The following ZNF791 variants were observed in gnomAD, a reference collection of about 807,000 sequenced individuals.
The protein encoded by ZNF791 is zinc finger protein 791.
A neutral mutation model predicts 11.5 loss-of-function variants in ZNF791; 4 were observed. That is an observed-to-expected ratio of 0.35 (90% CI 0.17 to 0.80). The LOEUF is 0.80. ZNF791 is among the 30% of genes least tolerant of loss of function. The probability of loss-of-function intolerance (pLI) is 0.53; values close to 1 mark genes in which losing one functional copy is unlikely to be tolerated. For synonymous variants in ZNF791, 212 were observed against 228.1 expected, an observed-to-expected ratio of 0.93 and a Z score of 0.64; for missense variants, 559 against 699.4, an observed-to-expected ratio of 0.80 and a Z score of 2.26.
At chr19:12,619,616 A>AT (rs1224810308) in intron 1 of ZNF791, among the ~76,000 whole-genome samples, 1 of 151,378 alleles carries the variant, frequency 6.6e-6, no homozygotes, top group African/African-American at 2.4e-5. Context: ...CTCCTGGCTA[A>AT]TTTTTTGTAT....
chr19:12,624,912 G>A (rs1340562006), intron 3 of ZNF791, among the ~76,000 whole-genome samples: 2 of 151,718 alleles, frequency 1.3e-5, no homozygotes, highest in African/African-American at 2.4e-5. Flanking sequence ...TTAGCCAGTT[G>A]TGGTGGTGGG....
At chr19:12,612,635 A>G (rs1329833134) in intron 1 of ZNF791, among the ~76,000 whole-genome samples, 17 of 121,600 alleles carry the variant, frequency 1.4e-4, no homozygotes, top group Non-Finnish European at 2.4e-4. Flanking sequence ...TTTTTTTTTT[A>G]GTAGAGAGTG....
In ZNF791 at chr19:12,629,305, C is replaced by A; in HGVS notation, c.*45C>A. 1.4e-6 allele frequency: 2 copies of A among 1,379,876 alleles called. No homozygotes were observed. The highest frequency in any genetic ancestry group is 9.6e-7 in the Non-Finnish European group (1 of 1,044,260). 85.5% of individuals were successfully genotyped at this position (1,379,876 alleles called of 1,614,324 possible). A position where few individuals can be genotyped will look rare whatever the true frequency, so the allele number is the denominator to read the frequency against. On this transcript the variant is annotated 3_prime_UTR_variant, in exon 4 of 4. Transcript: ENST00000343325. ...AATAGGAGAAAGTTTTCAATTCTAACAGATGCTTTCAAAGTTGTGAAAATT... is the reference window on the plus strand; with the variant it reads ...AATAGGAGAAAGTTTTCAATTCTAAAAGATGCTTTCAAAGTTGTGAAAATT...
At chr19:12,623,388 G>C in intron 1 of ZNF791, 2 of 316,080 alleles carry the variant, frequency 6.3e-6, no homozygotes, top group Non-Finnish European at 1.2e-5. Context: ...CTAGGTAGCA[G>C]AGCGAGACCA....
Position 12,613,437 on chromosome 19 carries a change from T to C in ZNF791, c.3+2355T>C, listed in dbSNP as rs1180580678. Among the ~76,000 whole-genome samples, 7 of 151,914 alleles carry C rather than the reference T, an allele frequency of 4.6e-5. No individual in the cohort carries two copies. The East Asian group carries it at 9.8e-4, about 21-fold the overall frequency. On this transcript the variant is annotated intron_variant, in intron 1 of 3. Coordinates refer to ENST00000343325, the MANE Select transcript of ZNF791 (RefSeq NM_153358.3). ...TCTACTAAAAATACAAAAAATTAGC[T>C]GGGCGTGGAGGCGGGCGCCTGTAGT...
chr19:12,614,661 C>A (rs2023212253), intron 1 of ZNF791, among the ~76,000 whole-genome samples: 1 of 148,952 alleles, frequency 6.7e-6, no homozygotes, highest in Admixed American at 6.8e-5. Context: ...ATGGCACAAT[C>A]TCGGCTCACC....
Position 12,631,995 on chromosome 19 carries a change from CTG to C in ZNF791, c.*2737_*2738del, listed in dbSNP as rs1037631380. 2.7e-5 allele frequency: 4 copies of C among 150,568 alleles called. No homozygotes were observed. The highest frequency in any genetic ancestry group is 9.8e-5 in the African/African-American group (4 of 40,766). 9.3% of individuals were successfully genotyped at this position (150,568 alleles called of 1,614,324 possible). A position where few individuals can be genotyped will look rare whatever the true frequency, so the allele number is the denominator to read the frequency against. ...TTTTTTTTCGAGACGGAGTCTTGCT[CTG>C]TTGCCCAGGCTGGAGTTCAGCGGTG... On this transcript the variant is annotated 3_prime_UTR_variant, in exon 4 of 4. Transcript: ENST00000343325.
Position 12,619,472 on chromosome 19 carries a change from C to T in ZNF791, c.4-4228C>T, listed in dbSNP as rs558978444. ...TTTTTTTTTTTTTTTTTTTTTGAGACGGAGTCTCGATTTGTCTCCCAGGCT... is the reference window on the plus strand; with the variant it reads ...TTTTTTTTTTTTTTTTTTTTTGAGATGGAGTCTCGATTTGTCTCCCAGGCT... On this transcript the variant is annotated intron_variant, in intron 1 of 3. Coordinates refer to ENST00000343325, the MANE Select transcript of ZNF791 (RefSeq NM_153358.3). 4.7e-3 allele frequency among the ~76,000 whole-genome samples: 496 copies of T among 106,630 alleles called. 4 individuals carry two copies. Among genetic ancestry groups the T allele is most frequent in the Non-Finnish European group, 7.5e-3 (419 of 56,000 alleles). The allele number at this position is 106,630 out of a possible 152,430, so 70.0% of individuals were successfully genotyped here.
chr19:12,612,621 T>A (rs2023176752), intron 1 of ZNF791, among the ~76,000 whole-genome samples: 1 of 148,718 alleles, frequency 6.7e-6, no homozygotes, highest in South Asian at 2.1e-4. Flanking sequence ...TTTGTATTTT[T>A]TTTTTTTTTT....
intron 1 of ZNF791, among the ~76,000 whole-genome samples, chr19:12,620,077 C>G (rs1429370775): frequency 6.6e-6 from 1 of 151,962 alleles, no homozygotes; most frequent in African/African-American, 2.4e-5. Flanking sequence ...GCGCCCGCCA[C>G]GGCACCCAGC....
At chr19:12,612,768 C>G (rs2023180631) in intron 1 of ZNF791, among the ~76,000 whole-genome samples, 1 of 149,510 alleles carries the variant, frequency 6.7e-6, no homozygotes, top group Admixed American at 6.7e-5. Context: ...CTTTTGCTTC[C>G]TTTATACGTA....
intron 1 of ZNF791, among the ~76,000 whole-genome samples, chr19:12,619,732 A>G (rs1284767503): frequency 1.3e-5 from 2 of 151,550 alleles, no homozygotes; most frequent in Admixed American, 1.3e-4. Flanking sequence ...TACAGGCGTG[A>G]GCCACCGCGC....
intron 1 of ZNF791, among the ~76,000 whole-genome samples, chr19:12,617,888 G>A (rs1248028480): frequency 5.6e-5 from 8 of 141,974 alleles, no homozygotes; most frequent in East Asian, 2.0e-4. Context: ...CTACAGGTGC[G>A]TGCCACATAC....
At chr19:12,611,125 C>T (rs746389040) in intron 1 of ZNF791, 43 bp downstream of exon 1, 3 of 1,611,806 alleles carry the variant, frequency 1.9e-6, no homozygotes, top group South Asian at 1.1e-5. Flanking sequence ...GCCGTGATCG[C>T]GGGACCCGGG....
intron 1 of ZNF791, among the ~76,000 whole-genome samples, chr19:12,615,072 T>C (rs2023226559): frequency 8.0e-6 from 1 of 125,046 alleles, no homozygotes; most frequent in African/African-American, 3.1e-5. Flanking sequence ...CAGGCTGGAG[T>C]GCAGTGATGT....
chr19:12,628,687 TA>T lies in ZNF791; in HGVS notation c.1164del (p.Lys388AsnfsTer10). The T allele has an allele frequency of 6.2e-7, 1 of 1,601,090 alleles. No homozygotes were observed. Among genetic ancestry groups the T allele is most frequent in the Non-Finnish European group, 8.5e-7 (1 of 1,175,048 alleles). On this transcript the variant is annotated frameshift_variant, in exon 4 of 4. Transcript: ENST00000343325. LOFTEE classifies it low-confidence loss of function (END_TRUNC). ...ACACTGGAGAGAAACCCTACGAATG[TA>T]AAAAATGTGGGAAAACTTTCAATTA... ...THTGEKPYECKKCGKTFNYPL... is the reference protein window; with the variant it reads ...THTGEKPYECXKCGKTFNYPL...
rs1599317413 is a variant in ZNF791, at chr19:12,611,126, G to T, written c.3+44G>T. 11 of 1,612,100 alleles carry T rather than the reference G, an allele frequency of 6.8e-6. No individual in the cohort carries two copies. The East Asian group carries it at 2.5e-4, about 36-fold the overall frequency. On this transcript the variant is annotated intron_variant, in intron 1 of 3. Coordinates refer to ENST00000343325, the MANE Select transcript of ZNF791 (RefSeq NM_153358.3). ...ACTAGTTGGAACCGGCCGTGATCGC[G>T]GGACCCGGGCCTCCCCACGGTCACC...
At chr19:12,612,734 C>T (rs145248324) in intron 1 of ZNF791, among the ~76,000 whole-genome samples, 3,888 of 150,178 alleles carry the variant, frequency 0.026, 166 homozygotes, top group African/African-American at 0.09. Context: ...GCTGGGATTA[C>T]AGGCATGAGC....
At chr19:12,612,194 CATT>C (rs959009350) in intron 1 of ZNF791, 6 of 786,120 alleles carry the variant, frequency 7.6e-6, no homozygotes, top group African/African-American at 5.6e-5. Flanking sequence ...AATTAACTGA[CATT>C]ATTATTTTCT....
Sources: gnomAD v4.1 joint callset for allele counts (sites outside exome capture counted in the v4.1 genomes callset) on GRCh38, gnomAD v4.1.1 for gene constraint, MANE v1.5 for transcripts, NCBI Gene and HGNC (gene_info 2026-07-23, HGNC 2026-07-21) for gene names.